SLC4A1: variants seen among roughly 807,000 people sequenced by gnomAD.
The protein encoded by SLC4A1 is solute carrier family 4 member 1 (Diego blood group).
A neutral mutation model predicts 93.1 loss-of-function variants in SLC4A1; 29 were observed. The observed-to-expected ratio is 0.31, with a 90% confidence interval of 0.23 to 0.42. The LOEUF is 0.42. Ranked by LOEUF, SLC4A1 falls within the 20% of genes least tolerant of loss-of-function variation. The probability of loss-of-function intolerance (pLI) is 1.00; values close to 1 mark genes in which losing one functional copy is unlikely to be tolerated. For synonymous variants in SLC4A1, 469 were observed against 497.2 expected (o/e 0.94, Z 0.76); for missense variants, 965 against 1,190.1 (o/e 0.81, Z 2.78).
intron 17 of SLC4A1, 143 bp downstream of exon 17, chr17:44,252,975 A>G (rs1028858610): frequency 8.8e-6 from 8 of 911,244 alleles, no homozygotes; most frequent in Non-Finnish European, 1.4e-5. Flanking sequence ...TCGTGTGAGT[A>G]GGGGATGCTG....
Position 44,250,417 on chromosome 17 carries a change from T to TGTGGAATG in SLC4A1, c.*33_*40dup. On this transcript the variant is annotated 3_prime_UTR_variant, in exon 20 of 20. Transcript: ENST00000262418. ...TCTGCTTTTCCTTGGAAGGTGGGGA[T>TGTGGAATG]GTGGAATGGTGGGGGAGGGTCTAGG... 3 of 1,479,328 alleles carry TGTGGAATG rather than the reference T, an allele frequency of 2.0e-6. No homozygotes were observed. Among genetic ancestry groups the TGTGGAATG allele is most frequent in the Non-Finnish European group, 2.8e-6 (3 of 1,057,790 alleles). The allele number at this position is 1,479,328 out of a possible 1,614,324, so 91.6% of individuals were successfully genotyped here. A position where few individuals can be genotyped will look rare whatever the true frequency, so the allele number is the denominator to read the frequency against.
chr17:44,254,447 G>A, intron 16 of SLC4A1, 49 bp downstream of exon 16: 1 of 1,550,968 alleles, frequency 6.4e-7, no homozygotes, highest in Non-Finnish European at 8.9e-7. Context: ...GCCAGGGAAA[G>A]GTCCCTGCCT....
intron 14 of SLC4A1, among the ~76,000 whole-genome samples, 173 bp from the exon 15 acceptor site, chr17:44,255,469 T>G (rs2047380705): frequency 6.6e-6 from 1 of 152,152 alleles, no homozygotes; most frequent in Non-Finnish European, 1.5e-5. Flanking sequence ...CCCCAGCAGT[T>G]CTCAGGCTGG....
chr17:44,266,877 A>T (rs991659555), intron 1 of SLC4A1, among the ~76,000 whole-genome samples: 2 of 152,078 alleles, frequency 1.3e-5, no homozygotes, highest in African/African-American at 2.4e-5. Context: ...GGGAGAGGGG[A>T]TTGACCAGAT....
chr17:44,256,666 T>G (rs1375079932), intron 13 of SLC4A1, among the ~76,000 whole-genome samples: 1 of 152,210 alleles, frequency 6.6e-6, no homozygotes, highest in Non-Finnish European at 1.5e-5. Flanking sequence ...TGCATGTACT[T>G]TCACATGCTC....
intron 3 of SLC4A1, chr17:44,261,962 G>T: frequency 8.2e-7 from 1 of 1,217,520 alleles, no homozygotes; most frequent in Non-Finnish European, 1.0e-6. Context: ...CAATTTTCAG[G>T]ATCCTCCTAG....
chr17:44,250,576 C>A lies in SLC4A1; in HGVS notation c.2656-38G>T, dbSNP rs778027515. The A allele has an allele frequency of 5.8e-6, 9 of 1,562,956 alleles. No homozygotes were observed. The Admixed American group carries it at 1.2e-4, about 20-fold the overall frequency. On this transcript the variant is annotated intron_variant, in intron 19 of 19. Transcript: ENST00000262418. ...GACAGGAGAGAGACAGGGTGAGAGA[C>A]CCTGGGGCCAGAAGAGCCCTCCCCG...
chr17:44,255,256 A>G lies in SLC4A1; in HGVS notation c.1841T>C (p.Ile614Thr). The change falls in exon 15 of 20, where the codon ATC becomes ACC. Residue 614 changes from isoleucine to threonine, a missense_variant. By Grantham distance (89) the Ile-to-Thr change is moderately conservative. This residue lies in a region of SLC4A1 where 770 missense variants were observed against 1,006.6 expected (regional missense o/e 0.76). Transcript: ENST00000262418. ...VIGDFGVPIS[I>T]LIMVLVDFFI... The stretch of plus-strand genomic sequence containing the variant: ...GAAATCCACCAGGACCATGATCAGG[A>G]TGGAGATGGGGACCCCGAAGTCCCC... 1 of 1,558,276 alleles carries G rather than the reference A, an allele frequency of 6.4e-7. No individual in the cohort carries two copies. Among genetic ancestry groups the G allele is most frequent in the Non-Finnish European group, 8.7e-7 (1 of 1,150,328 alleles).
At position 44,258,029 on chromosome 17, in the gene SLC4A1, G is replaced by A. The variant is rs5014; in HGVS notation, c.1239C>T (p.Tyr413=). 2,506 of 1,614,132 alleles carry A rather than the reference G, an allele frequency of 1.6e-3. 47 individuals are homozygous for A. The African/African-American group carries it at 0.03, about 19-fold the overall frequency. ...TGATGGCGGGTGACAGTGCAGCAAA[G>A]TAGATGAAGATGACGGCAGCCAGGA... ...PQVLAAVIFI[Y]FAALSPAITF... Residue 413 remains tyrosine, a synonymous_variant, in exon 11 of 20, where the codon TAC becomes TAT. Transcript: ENST00000262418. The surrounding 1 kb of genome is among the most constrained non-coding windows in gnomAD (Gnocchi z 6.1).
rs1170298283 is a variant in SLC4A1, at chr17:44,249,194, G to T, written c.*1264C>A. The T allele has an allele frequency of 4.4e-6, 2 of 454,488 alleles. No individual in the cohort carries two copies. The highest frequency in any genetic ancestry group is 8.8e-6 in the Non-Finnish European group (2 of 226,322). 28.2% of individuals were successfully genotyped at this position (454,488 alleles called of 1,614,324 possible). ...CTCTTTTCTACCACTTCCTGATTCTGTTTCCTCCATCTCTCACCACTTTCA... is the reference window on the plus strand; with the variant it reads ...CTCTTTTCTACCACTTCCTGATTCTTTTTCCTCCATCTCTCACCACTTTCA... On this transcript the variant is annotated 3_prime_UTR_variant, in exon 20 of 20. Transcript: ENST00000262418.
intron 16 of SLC4A1, 25 bp downstream of exon 16, chr17:44,254,464 CTCCCAGG>C: frequency 7.4e-7 from 1 of 1,350,392 alleles, no homozygotes; most frequent in Non-Finnish European, 1.0e-6. Flanking sequence ...GCCTCCCACC[CTCCCAGG>C]CCCAGCCCCC....
At chr17:44,266,545 A>C (rs766589994) in intron 1 of SLC4A1, among the ~76,000 whole-genome samples, 3 of 152,146 alleles carry the variant, frequency 2.0e-5, no homozygotes, top group Non-Finnish European at 4.4e-5. Flanking sequence ...CAGTCACCCC[A>C]TCTGTACAAT....
rs771529404 is a variant in SLC4A1 at position 44,259,904 on chromosome 17, C to T, written c.514G>A (p.Gly172Ser). ...CGTGTCAGGACTGCAGGCTTCACACCCCCCAGGGCCTCCAGCTCTCCAGCG... is the reference window on the plus strand; with the variant it reads ...CGTGTCAGGACTGCAGGCTTCACACTCCCCAGGGCCTCCAGCTCTCCAGCG... ...SHAGELEALGGVKPAVLTRSG... is the reference protein window; with the variant it reads ...SHAGELEALGSVKPAVLTRSG... The change falls in exon 7 of 20, where the codon GGT becomes AGT. Residue 172 changes from glycine to serine, a missense_variant. By Grantham distance (56) the Gly-to-Ser change is moderately conservative (BLOSUM62 0). This residue lies in a region of SLC4A1 where 770 missense variants were observed against 1,006.6 expected (regional missense o/e 0.76). Transcript: ENST00000262418. 2 of 1,613,934 alleles carry T rather than the reference C, an allele frequency of 1.2e-6. No individual in the cohort carries two copies. Among genetic ancestry groups the T allele is most frequent in the Non-Finnish European group, 1.7e-6 (2 of 1,179,988 alleles).
At chr17:44,260,060 G>A in intron 6 of SLC4A1, 128 bp from the exon 7 acceptor site, 1 of 1,222,482 alleles carries the variant, frequency 8.2e-7, no homozygotes, top group East Asian at 2.3e-5. Flanking sequence ...GGACTTCCCA[G>A]ACCAGACCAG....
At chr17:44,263,006 C>T in intron 1 of SLC4A1, 72 bp from the exon 2 acceptor site, 2 of 1,293,774 alleles carry the variant, frequency 1.5e-6, no homozygotes, top group Middle Eastern at 2.5e-4. Context: ...CCAGAGGGGG[C>T]CACATGTCAG....
At chr17:44,259,124 C>T in intron 9 of SLC4A1, 39 bp downstream of exon 9, 2 of 1,609,166 alleles carry the variant, frequency 1.2e-6, no homozygotes, top group Non-Finnish European at 1.7e-6. Context: ...ATGCAGGTCC[C>T]AAGCTTCCCC....
In SLC4A1 at chr17:44,257,192, A is replaced by G. The variant is rs539811926; in HGVS notation, c.1626+158T>C. ...TTTTTAATAGAGATGGAGTTTCACA[A>G]TGTTGGTCAGGCTGGTCTTGAACTC... On this transcript the variant is annotated intron_variant, in intron 13 of 19. Transcript: ENST00000262418. 2.6e-5 allele frequency among the ~76,000 whole-genome samples: 4 copies of G among 151,950 alleles called. No homozygotes were observed. The South Asian group carries it at 6.2e-4, about 24-fold the overall frequency.
At position 44,257,795 on chromosome 17, in the gene SLC4A1, C is replaced by T. The variant is rs200576400; in HGVS notation, c.1295G>A (p.Arg432Gln). ...CAGCTCCGACACTCCCATCTGGTTC[C>T]GGGTCTTTTCTCCTGTGGGTAGAGG... ...TFGGLLGEKT[R>Q]NQMGVSELLI... The change falls in exon 12 of 20, where the codon CGG becomes CAG. Residue 432 changes from arginine (R) to glutamine (Q), a missense_variant. Arg to Gln is a conservative substitution (Grantham distance 43). This residue lies in a region of SLC4A1 where 770 missense variants were observed against 1,006.6 expected (regional missense o/e 0.76). Transcript: ENST00000262418. The T allele has an allele frequency of 4.1e-5, 66 of 1,613,632 alleles. No individual in the cohort carries two copies. In the Middle Eastern group the frequency reaches 3.4e-3, roughly 83 times the overall value.
chr17:44,254,884 T>C (rs1461631129), intron 15 of SLC4A1, among the ~76,000 whole-genome samples: 1 of 152,226 alleles, frequency 6.6e-6, no homozygotes, highest in Admixed American at 6.5e-5. Flanking sequence ...AGAGAGGTTA[T>C]GTAGCTTGCC....
Sources: gnomAD v4.1 joint callset for allele counts (sites outside exome capture counted in the v4.1 genomes callset) on GRCh38, gnomAD v4.1.1 for gene constraint, gnomAD v4.1.1 regional missense constraint, Gnocchi (gnomAD v3.1) non-coding constraint, MANE v1.5 for transcripts, NCBI Gene and HGNC (gene_info 2026-07-23, HGNC 2026-07-21) for gene names.